Variants in REDIC1 observed in about 807,000 individuals in gnomAD.
The protein encoded by REDIC1 is HEI10 Interacting Protein 1.
the REDIC1 span, among the ~76,000 whole-genome samples, chr12:39,706,765 C>G: frequency 6.6e-6 from 1 of 152,006 alleles, no homozygotes; most frequent in African/African-American, 2.4e-5. Context: ...AAAAGACAGT[C>G]TCTTCAATGA....
At chr12:39,841,841 T>C in the REDIC1 span, among the ~76,000 whole-genome samples, 8 of 152,018 alleles carry the variant, frequency 5.3e-5, no homozygotes, top group Admixed American at 5.3e-4. Flanking sequence ...CTGAAATTCT[T>C]AGGTTTGCAA....
chr12:39,633,563 C>T, the REDIC1 span, among the ~76,000 whole-genome samples: 1 of 152,152 alleles, frequency 6.6e-6, no homozygotes, highest in Non-Finnish European at 1.5e-5. Context: ...AGTCTTTTAT[C>T]ATCATTATCA....
At chr12:39,822,841 G>A in the REDIC1 span, among the ~76,000 whole-genome samples, 3 of 152,102 alleles carry the variant, frequency 2.0e-5, no homozygotes, top group Non-Finnish European at 4.4e-5. Context: ...ATCGCTACTT[G>A]GATAAAACTG....
chr12:39,633,822 CT>C, the REDIC1 span, among the ~76,000 whole-genome samples: 1 of 152,178 alleles, frequency 6.6e-6, no homozygotes, highest in African/African-American at 2.4e-5. Context: ...CTCCTTGAAA[CT>C]TAACTGTAAG....
At chr12:39,739,588 A>T in the REDIC1 span, among the ~76,000 whole-genome samples, 1 of 152,202 alleles carries the variant, frequency 6.6e-6, no homozygotes, top group Non-Finnish European at 1.5e-5. Context: ...ATGCTCAAGG[A>T]AGACTTTCTT....
chr12:39,670,560 T>A, the REDIC1 span, among the ~76,000 whole-genome samples: 1 of 152,196 alleles, frequency 6.6e-6, no homozygotes, highest in Non-Finnish European at 1.5e-5. Context: ...GTATTTCTTT[T>A]GGGATCCTTT....
At chr12:39,875,567 C>T in the REDIC1 span, among the ~76,000 whole-genome samples, 3,537 of 152,104 alleles carry the variant, frequency 0.023, 146 homozygotes, top group African/African-American at 0.081. Flanking sequence ...TCACAGTAAA[C>T]GTACTAATAA....
chr12:39,896,365 T>C, the REDIC1 span, among the ~76,000 whole-genome samples: 6 of 142,088 alleles, frequency 4.2e-5, no homozygotes, highest in East Asian at 2.1e-4. Flanking sequence ...TATGTGTATA[T>C]ATGTATACAT....
chr12:39,845,822 G>C, the REDIC1 span, among the ~76,000 whole-genome samples: 1 of 152,128 alleles, frequency 6.6e-6, no homozygotes, highest in African/African-American at 2.4e-5. Flanking sequence ...TGGTGTTGGG[G>C]TGGGTCAAAA....
chr12:39,690,590 C>A, the REDIC1 span, among the ~76,000 whole-genome samples: 1 of 151,832 alleles, frequency 6.6e-6, no homozygotes, highest in African/African-American at 2.4e-5. Flanking sequence ...AATATGAATT[C>A]TTTTCAAGAT....
chr12:39,646,723 G>A, the REDIC1 span: 101,972 of 650,614 alleles, frequency 0.16, 8,889 homozygotes, highest in African/African-American at 0.29. Flanking sequence ...TGACCCTGTA[G>A]TGATTTACTT....
chr12:39,642,776 A>C, the REDIC1 span, among the ~76,000 whole-genome samples: 1 of 151,774 alleles, frequency 6.6e-6, no homozygotes, highest in Non-Finnish European at 1.5e-5. Context: ...TGAAATATGA[A>C]CAAATACCTT....
At chr12:39,818,779 T>C in the REDIC1 span, among the ~76,000 whole-genome samples, 1 of 152,132 alleles carries the variant, frequency 6.6e-6, no homozygotes, top group East Asian at 1.9e-4. Context: ...CAATAACAAC[T>C]ACAGTTTGAA....
At chr12:39,710,578 C>T in the REDIC1 span, among the ~76,000 whole-genome samples, 1 of 151,840 alleles carries the variant, frequency 6.6e-6, no homozygotes, top group Non-Finnish European at 1.5e-5. Flanking sequence ...TCTTTTCCCT[C>T]TATCCCATAT....
the REDIC1 span, chr12:39,721,198 G>A: frequency 2.3e-5 from 37 of 1,613,340 alleles, no homozygotes; most frequent in Non-Finnish European, 3.1e-5. Flanking sequence ...AAGGTGCAGT[G>A]GAAATATTAA....
At chr12:39,668,534 AATT>A in the REDIC1 span, among the ~76,000 whole-genome samples, 1 of 151,996 alleles carries the variant, frequency 6.6e-6, no homozygotes, top group African/African-American at 2.4e-5. Context: ...TGAATCTGAC[AATT>A]ATGTGTCTTG....
chr12:39,756,222 T>C, the REDIC1 span: 2 of 152,126 alleles, frequency 1.3e-5, no homozygotes, highest in South Asian at 2.1e-4. Flanking sequence ...ATATGAGCTA[T>C]AAATTTTAAC....
At chr12:39,808,723 T>C in the REDIC1 span, among the ~76,000 whole-genome samples, 3 of 152,198 alleles carry the variant, frequency 2.0e-5, no homozygotes, top group East Asian at 5.8e-4. Flanking sequence ...CATCTTTTTA[T>C]AGTCTTTTGT....
At chr12:39,662,627 T>C in the REDIC1 span, among the ~76,000 whole-genome samples, 1 of 152,110 alleles carries the variant, frequency 6.6e-6, no homozygotes, top group African/African-American at 2.4e-5. Flanking sequence ...TTTGTTTCTT[T>C]CTCTTGCCTC....
Sources: gnomAD v4.1 joint callset for allele counts (sites outside exome capture counted in the v4.1 genomes callset) on GRCh38, gnomAD v4.1.1 for gene constraint, MANE v1.5 for transcripts, NCBI Gene and HGNC (gene_info 2026-07-23, HGNC 2026-07-21) for gene names.